Variants in VPS13C observed in about 807,000 individuals in gnomAD.
VPS13C encodes intermembrane lipid transfer protein VPS13C.
In VPS13C, 358 loss-of-function variants were observed where a neutral mutation model predicts 456.8. The ratio of observed to expected loss-of-function variants is 0.78; its 90% confidence interval spans 0.72 to 0.86. The LOEUF is 0.86. Ranked by LOEUF, VPS13C falls within the 40% of genes least tolerant of loss-of-function variation. The pLI, the probability that VPS13C is intolerant of heterozygous loss-of-function variation, is 0.00. For synonymous variants in VPS13C, 1,578 were observed against 1,486.7 expected (o/e 1.06, Z -1.41); for missense variants, 4,818 against 4,385.4 (o/e 1.10, Z -2.79).
In VPS13C at chr15:61,854,514, C is replaced by T; in HGVS notation, c.11205G>A (p.Gln3735=). 1 of 1,614,090 alleles carries T rather than the reference C, an allele frequency of 6.2e-7. No homozygotes were observed. Among genetic ancestry groups the T allele is most frequent in the Non-Finnish European group, 8.5e-7 (1 of 1,179,988 alleles). ...CTGATGACTGCTTCATCAATTTTTG[C>T]TGCTGTCTCGTTGACTGTGCATCCT... The part of the protein sequence containing the change: ...AIEDAQSTRQ[Q]QKLMKQSSVR... The change falls in exon 85 of 85, where the codon CAG becomes CAA. Residue 3735 remains glutamine (Q), a synonymous_variant. Transcript: ENST00000644861.
intron 1 of VPS13C, among the ~76,000 whole-genome samples, chr15:62,057,140 G>A (rs1332011814): frequency 2.0e-5 from 3 of 152,028 alleles, no homozygotes; most frequent in Non-Finnish European, 4.4e-5. Flanking sequence ...CTGTGGGGCT[G>A]GTCCCTACAG....
chr15:61,927,250 G>T lies in VPS13C; in HGVS notation c.6357C>A (p.Ser2119Arg). The T allele has an allele frequency of 6.2e-7, 1 of 1,614,188 alleles. No homozygotes were observed. Among genetic ancestry groups the T allele is most frequent in the South Asian group, 1.1e-5 (1 of 91,086 alleles). ...ITDPEVVFVA[S>R]LTKADAPALT... ...GAGCAGGAGCATCAGCCTTTGTCAG[G>T]CTGGCAACAAATACCACTTCTGGAT... The change falls in exon 52 of 85, where the codon AGC becomes AGA. Residue 2119 changes from serine to arginine, a missense_variant. Transcript: ENST00000644861.
Position 61,962,748 on chromosome 15 carries a change from C to G in VPS13C, c.3435+1G>C. The G allele has an allele frequency of 6.3e-7, 1 of 1,580,892 alleles. No individual in the cohort carries two copies. On this transcript the variant is annotated splice_donor_variant, in intron 33 of 84. Coordinates refer to ENST00000644861, the MANE Select transcript of VPS13C (RefSeq NM_020821.3). LOFTEE classifies it high-confidence loss of function. ...TTAACTATCTGTTTACAATCACCTA[C>G]TTTCTTATGAACTGTCTTTGGATCA...
At chr15:61,927,413 G>A (rs2043892093) in intron 51 of VPS13C, 93 bp from the exon 52 acceptor site, 6 of 952,258 alleles carry the variant, frequency 6.3e-6, no homozygotes, top group Non-Finnish European at 9.6e-6. Flanking sequence ...TGTTCTCAAT[G>A]TTTTTCTATA....
chr15:61,881,931 T>C lies in VPS13C; in HGVS notation c.9625-103A>G, dbSNP rs1036075709. ...GGCCACCACTTTCATCATAATTAAGTGTCTGCGTGTATATGCGGTGTAATT... is the reference window on the plus strand; with the variant it reads ...GGCCACCACTTTCATCATAATTAAGCGTCTGCGTGTATATGCGGTGTAATT... On this transcript the variant is annotated intron_variant, in intron 69 of 84. Coordinates refer to ENST00000644861, the MANE Select transcript of VPS13C (RefSeq NM_020821.3). 4.9e-6 allele frequency: 5 copies of C among 1,013,318 alleles called. No homozygotes were observed. In the African/African-American group the frequency reaches 8.2e-5, roughly 17 times the overall value. The allele number at this position is 1,013,318 out of a possible 1,614,324, so 62.8% of individuals were successfully genotyped here. A position where few individuals can be genotyped will look rare whatever the true frequency, so the allele number is the denominator to read the frequency against.
Position 61,962,419 on chromosome 15 carries a change from A to G in VPS13C, c.3555T>C (p.Val1185=). The G allele has an allele frequency of 6.2e-7, 1 of 1,607,180 alleles. No individual in the cohort carries two copies. The highest frequency in any genetic ancestry group is 8.5e-7 in the Non-Finnish European group (1 of 1,176,054). ...SKVDGVLSLN[V]GCIQIVYLHK... is the part of the protein sequence containing the mutation. ...GAAGATAGACAATCTGAATACAGCC[A>G]ACATTCAGAGACAGCACACCATCCA... is the stretch of plus-strand genomic sequence containing the variant. The change falls in exon 34 of 85, where the codon GTT becomes GTC. Residue 1185 remains valine (V), a synonymous_variant. Transcript: ENST00000644861.
chr15:62,014,052 ATACT>A lies in VPS13C; in HGVS notation c.685-64_685-61del, dbSNP rs1300472751. The A allele has an allele frequency of 4.9e-6, 6 of 1,232,636 alleles. No individual in the cohort carries two copies. In the East Asian group the frequency reaches 1.4e-4, roughly 29 times the overall value. 76.4% of individuals were successfully genotyped at this position (1,232,636 alleles called of 1,614,324 possible). A position where few individuals can be genotyped will look rare whatever the true frequency, so the allele number is the denominator to read the frequency against. Reference sequence around the variant, plus strand: ...TATGGATGTCATTAATAGCGCTCTAATACTTACATAATGTAACAAAATAATTTAG... The same window carrying A: ...TATGGATGTCATTAATAGCGCTCTAATACATAATGTAACAAAATAATTTAG... On this transcript the variant is annotated intron_variant, in intron 9 of 84. Transcript: ENST00000644861.
chr15:62,022,903 G>C (rs150485096), intron 8 of VPS13C, among the ~76,000 whole-genome samples: 40 of 152,022 alleles, frequency 2.6e-4, no homozygotes, highest in Non-Finnish European at 4.4e-4. Flanking sequence ...TTTTGGTTAT[G>C]AGTGAAGTTT....
At chr15:61,906,174 C>G (rs1048174698) in intron 66 of VPS13C, among the ~76,000 whole-genome samples, 1 of 152,104 alleles carries the variant, frequency 6.6e-6, no homozygotes, top group Non-Finnish European at 1.5e-5. Flanking sequence ...TTTGAACTCC[C>G]CTGTCATGTC....
Position 61,941,756 on chromosome 15 carries a change from T to C in VPS13C, c.5453+7A>G, listed in dbSNP as rs780318715. The C allele has an allele frequency of 4.8e-5, 77 of 1,602,624 alleles. No individual in the cohort carries two copies. The highest frequency in any genetic ancestry group is 6.4e-5 in the Non-Finnish European group (75 of 1,174,216). ...AAGCAATACACAATTAGATTACATA[T>C]TTATACCTTGACAGCTTCAACTGAG... On this transcript the variant is annotated splice_region_variant and intron_variant, in intron 46 of 84. Transcript: ENST00000644861.
chr15:61,953,210 T>C (rs1567041735), intron 38 of VPS13C, among the ~76,000 whole-genome samples: 1 of 151,962 alleles, frequency 6.6e-6, no homozygotes, highest in Non-Finnish European at 1.5e-5. Context: ...ATCCCTTTTC[T>C]CAGACAATTT....
Position 61,972,591 on chromosome 15 carries a change from G to A in VPS13C, c.2757+34C>T, listed in dbSNP as rs111446948. On this transcript the variant is annotated intron_variant, in intron 27 of 84. Transcript: ENST00000644861. ...ATAGCTTACAAGATAGTGACAGCCA[G>A]AATATATCTATTTATAGACAAAAAA... 5.4e-5 allele frequency: 86 copies of A among 1,603,572 alleles called. No homozygotes were observed. The African/African-American group carries it at 1.0e-3, about 20-fold the overall frequency.
intron 81 of VPS13C, chr15:61,864,690 C>A: frequency 1.0e-6 from 1 of 985,390 alleles, no homozygotes; most frequent in Non-Finnish European, 1.2e-6. Context: ...GAAGAGGAAT[C>A]CACAAAGAAC....
chr15:61,945,658 G>T, intron 45 of VPS13C, 57 bp downstream of exon 45: 1 of 1,401,036 alleles, frequency 7.1e-7, no homozygotes, highest in South Asian at 1.5e-5. Context: ...AGGTTCAGTT[G>T]TATAAGCAAA....
chr15:61,987,175 T>C (rs2046081452), intron 18 of VPS13C, among the ~76,000 whole-genome samples: 1 of 149,380 alleles, frequency 6.7e-6, no homozygotes, highest in Admixed American at 6.7e-5. Flanking sequence ...AAAAGGTATA[T>C]ATAAGTGGAA....
intron 67 of VPS13C, among the ~76,000 whole-genome samples, chr15:61,887,828 C>T (rs1896379675): frequency 6.6e-6 from 1 of 151,994 alleles, no homozygotes; most frequent in Non-Finnish European, 1.5e-5. Flanking sequence ...ACCAAAAGTA[C>T]AATCCATGAA....
intron 75 of VPS13C, among the ~76,000 whole-genome samples, chr15:61,876,136 T>C (rs1479401833): frequency 1.3e-5 from 2 of 152,014 alleles, no homozygotes; most frequent in East Asian, 3.9e-4. Flanking sequence ...TTCTAATCTA[T>C]AAAATGGAAG....
chr15:62,018,916 C>T (rs1203646436), intron 9 of VPS13C, among the ~76,000 whole-genome samples: 2 of 152,094 alleles, frequency 1.3e-5, no homozygotes, highest in African/African-American at 4.8e-5. Flanking sequence ...CCGTCTGGTC[C>T]TGGACTTTTT....
chr15:62,049,575 T>C (rs1057259355), intron 1 of VPS13C, among the ~76,000 whole-genome samples: 2 of 152,266 alleles, frequency 1.3e-5, no homozygotes, highest in African/African-American at 4.8e-5. Context: ...AGGATTGACT[T>C]GGCAACATGG....
Sources: allele counts gnomAD v4.1 joint callset (sites outside exome capture counted in the v4.1 genomes callset), GRCh38; gene constraint gnomAD v4.1.1; transcripts MANE v1.5; gene names NCBI Gene and HGNC (gene_info 2026-07-23, HGNC 2026-07-21).